TGFBR2: variants seen among roughly 807,000 people sequenced by gnomAD.
TGFBR2 encodes TGF-beta receptor type-2.
TGFBR2 carries 18 observed loss-of-function variants against 49.0 expected under a neutral mutation model. That is an observed-to-expected ratio of 0.37 (90% confidence interval 0.25 to 0.54). The LOEUF is 0.54. Among genes scored for constraint, TGFBR2 ranks in the 20% least tolerant of loss-of-function variants. The pLI is 0.85. For missense variants in TGFBR2, 525 were observed against 722.6 expected, an observed-to-expected ratio of 0.73 and a Z score of 3.13; for synonymous variants, 282 against 275.9, an observed-to-expected ratio of 1.02 and a Z score of -0.22.
At chr3:30,640,693 C>T (rs371806001) in intron 1 of TGFBR2, among the ~76,000 whole-genome samples, 193 of 152,118 alleles carry the variant, frequency 1.3e-3, no homozygotes, top group African/African-American at 4.2e-3. Context: ...TGATGGAAAC[C>T]GCAGATGTGG....
chr3:30,685,775 C>G (rs1020598823), intron 5 of TGFBR2, among the ~76,000 whole-genome samples: 1 of 152,212 alleles, frequency 6.6e-6, no homozygotes, highest in African/African-American at 2.4e-5. Context: ...GGTGTGAGCC[C>G]TTATGAGCCA....
At chr3:30,657,508 G>A (rs1699028818) in intron 3 of TGFBR2, among the ~76,000 whole-genome samples, 1 of 152,066 alleles carries the variant, frequency 6.6e-6, no homozygotes, top group Admixed American at 6.5e-5. Context: ...TGGTTCTTGG[G>A]GTAACTACTT....
In TGFBR2 at chr3:30,691,925, A is replaced by C. The variant is rs998152788; in HGVS notation, c.*326A>C. 2.6e-5 allele frequency: 6 copies of C among 226,710 alleles called. No homozygotes were observed. Among genetic ancestry groups the C allele is most frequent in the Admixed American group, 1.1e-4 (2 of 18,452 alleles). 14.0% of individuals were successfully genotyped at this position (226,710 alleles called of 1,614,324 possible). A position where few individuals can be genotyped will look rare whatever the true frequency, so the allele number is the denominator to read the frequency against. Reference sequence around the variant, plus strand: ...AGCTATGTTTTATATATATATATATATATCTATATATGTCTATAGCTCTAT... The same window carrying C: ...AGCTATGTTTTATATATATATATATCTATCTATATATGTCTATAGCTCTAT... On this transcript the variant is annotated 3_prime_UTR_variant, in exon 7 of 7. Transcript: ENST00000295754.
At chr3:30,607,063 C>A in intron 1 of TGFBR2, 86 bp downstream of exon 1, 1 of 1,181,626 alleles carries the variant, frequency 8.5e-7, no homozygotes, top group East Asian at 2.8e-5. Flanking sequence ...CAGTCGGGCC[C>A]GGCAACCCGG....
rs1699718726 is a variant in TGFBR2, at chr3:30,691,950, T to C, written c.*351T>C. On this transcript the variant is annotated 3_prime_UTR_variant, in exon 7 of 7. Transcript: ENST00000295754. ...ATATCTATATATGTCTATAGCTCTA[T>C]ATATATAGCCATACCTTGAAAAGAG... 4.6e-6 allele frequency: 1 copy of C among 219,528 alleles called. No homozygotes were observed. The allele number at this position is 219,528 out of a possible 1,614,324, so 13.6% of individuals were successfully genotyped here. A position where few individuals can be genotyped will look rare whatever the true frequency, so the allele number is the denominator to read the frequency against.
At chr3:30,647,787 C>T (rs1309492308) in intron 2 of TGFBR2, among the ~76,000 whole-genome samples, 1 of 152,098 alleles carries the variant, frequency 6.6e-6, no homozygotes, top group Non-Finnish European at 1.5e-5. Context: ...TGCGATTCTC[C>T]TGCTTCAGCT....
chr3:30,663,922 A>G (rs1699192271), intron 3 of TGFBR2, among the ~76,000 whole-genome samples: 1 of 140,704 alleles, frequency 7.1e-6, no homozygotes. Context: ...TGGGCCAAGT[A>G]TATTATTTTA....
At chr3:30,677,513 A>C (rs1443484077) in intron 5 of TGFBR2, among the ~76,000 whole-genome samples, 2 of 152,192 alleles carry the variant, frequency 1.3e-5, no homozygotes, top group Non-Finnish European at 2.9e-5. Flanking sequence ...CGTTCACTTG[A>C]TTAAGCGTGT....
At chr3:30,669,199 C>T (rs190362865) in intron 3 of TGFBR2, among the ~76,000 whole-genome samples, 1 of 146,402 alleles carries the variant, frequency 6.8e-6, no homozygotes, top group East Asian at 2.0e-4. Flanking sequence ...ACCCAGGAGG[C>T]AAGGTTGCAG....
At chr3:30,671,605 A>G (rs780499656) in intron 3 of TGFBR2, 33 bp from the exon 4 acceptor site, 1 of 1,610,420 alleles carries the variant, frequency 6.2e-7, no homozygotes, top group East Asian at 2.2e-5. Context: ...ACCACATCCA[A>G]CTCCTTCTCT....
At chr3:30,606,573 G>A (rs1022466641), upstream of TGFBR2, 9 of 313,856 alleles carry the variant, frequency 2.9e-5, no homozygotes, top group African/African-American at 6.4e-5. Context: ...TGTTTCCCCC[G>A]CAGCGCTGAG....
At chr3:30,679,654 A>G (rs1368894435) in intron 5 of TGFBR2, among the ~76,000 whole-genome samples, 2 of 152,208 alleles carry the variant, frequency 1.3e-5, no homozygotes, top group African/African-American at 4.8e-5. Context: ...TTAATCTACC[A>G]AAACTCTTTG....
intron 1 of TGFBR2, among the ~76,000 whole-genome samples, chr3:30,631,802 C>G (rs1698443114): frequency 6.6e-6 from 1 of 151,892 alleles, no homozygotes; most frequent in African/African-American, 2.4e-5. Flanking sequence ...ATTTGTTTGA[C>G]TGGTTGGAGA....
intron 1 of TGFBR2, among the ~76,000 whole-genome samples, chr3:30,629,486 A>G (rs776039940): frequency 5.0e-4 from 76 of 152,018 alleles, no homozygotes; most frequent in Non-Finnish European, 9.3e-4. Flanking sequence ...CTCTTCACCA[A>G]CTGTTTATAC....
intron 5 of TGFBR2, among the ~76,000 whole-genome samples, chr3:30,677,540 C>T (rs1452389618): frequency 6.6e-6 from 1 of 152,212 alleles, no homozygotes; most frequent in Admixed American, 6.5e-5. Flanking sequence ...ACGTAGTAAG[C>T]TCCTTCTCCC....
At chr3:30,648,459 CA>C (rs1362229346) in intron 2 of TGFBR2, among the ~76,000 whole-genome samples, 142 of 145,852 alleles carry the variant, frequency 9.7e-4, no homozygotes, top group African/African-American at 3.2e-3. Flanking sequence ...CACACACACA[CA>C]CAAAACTGTG....
Position 30,672,603 on chromosome 3 carries a change from C to G in TGFBR2, c.1254+166C>G, listed in dbSNP as rs528025496. Among the ~76,000 whole-genome samples the G allele has an allele frequency of 3.3e-5, 5 of 152,334 alleles. No individual in the cohort carries two copies. In the South Asian group the frequency reaches 1.0e-3, roughly 32 times the overall value. ...TGCCTTGAGCATACTCTGCTCTGTC[C>G]TGCCTGAGCATTTTTGCTAATGGAC... On this transcript the variant is annotated intron_variant, in intron 4 of 6. Transcript: ENST00000295754. The surrounding 1 kb of genome is among the most constrained non-coding windows in gnomAD (Gnocchi z 4.5).
At chr3:30,620,836 C>G (rs1036095) in intron 1 of TGFBR2, among the ~76,000 whole-genome samples, 109,181 of 151,984 alleles carry the variant, frequency 0.72, 39,478 homozygotes, top group Admixed American at 0.78. Flanking sequence ...ATGAAGAGTG[C>G]CTGAAGATAC....
intron 1 of TGFBR2, among the ~76,000 whole-genome samples, chr3:30,625,335 GC>G (rs1346781296): frequency 6.6e-6 from 1 of 152,158 alleles, no homozygotes; most frequent in Non-Finnish European, 1.5e-5. Flanking sequence ...TGAAGGGAAG[GC>G]TATCCACAAC....
Sources: allele counts gnomAD v4.1 joint callset (sites outside exome capture counted in the v4.1 genomes callset), GRCh38; gene constraint gnomAD v4.1.1; non-coding constraint Gnocchi (gnomAD v3.1); transcripts MANE v1.5; gene names NCBI Gene and HGNC (gene_info 2026-07-23, HGNC 2026-07-21).